PTPRG: variants seen among roughly 807,000 people sequenced by gnomAD.
The protein encoded by PTPRG is protein tyrosine phosphatase receptor type G, also known as receptor-type tyrosine-protein phosphatase gamma.
A neutral mutation model predicts 165.3 loss-of-function variants in PTPRG; 102 were observed. The ratio of observed to expected loss-of-function variants is 0.62; its 90% CI spans 0.53 to 0.73. The LOEUF (loss-of-function observed/expected upper bound fraction) is 0.73, where lower values mean the gene tolerates loss of function less well. PTPRG is among the 30% of genes least tolerant of loss of function. PTPRG has a pLI of 0.00. For missense variants in PTPRG, 1,866 were observed against 1,861.4 expected (o/e 1.00, Z -0.05); for synonymous variants, 675 against 669.5 (o/e 1.01, Z -0.13).
At chr3:62,122,786 C>T (rs4398425) in intron 5 of PTPRG, among the ~76,000 whole-genome samples, 48 of 152,070 alleles carry the variant, frequency 3.2e-4, no homozygotes, top group Non-Finnish European at 5.9e-4. Flanking sequence ...ACTCTAGAAA[C>T]GGTGACATAG....
intron 2 of PTPRG, among the ~76,000 whole-genome samples, chr3:61,850,351 G>A (rs1206663582): frequency 6.6e-6 from 1 of 152,084 alleles, no homozygotes; most frequent in African/African-American, 2.4e-5. Flanking sequence ...TTTTAGTAGA[G>A]GTGGGGTTTC....
intron 4 of PTPRG, among the ~76,000 whole-genome samples, chr3:62,030,414 A>G (rs1031935938): frequency 2.0e-5 from 3 of 150,852 alleles, no homozygotes; most frequent in Non-Finnish European, 4.4e-5. Context: ...AAATATGTAC[A>G]TAAGACTAAT....
intron 4 of PTPRG, among the ~76,000 whole-genome samples, chr3:62,012,552 T>G (rs180919192): frequency 1.0e-3 from 158 of 152,306 alleles, no homozygotes; most frequent in African/African-American, 3.6e-3. Flanking sequence ...CAGAATTCAT[T>G]TATGTTTCAT....
chr3:62,248,926 AG>A (rs1028402113), intron 15 of PTPRG, among the ~76,000 whole-genome samples: 1 of 152,028 alleles, frequency 6.6e-6, no homozygotes, highest in African/African-American at 2.4e-5. Flanking sequence ...CAGAATATAA[AG>A]GGGTTTTAAA....
Position 62,191,604 on chromosome 3 carries a change from A to T in PTPRG, c.1169A>T (p.Asn390Ile). ...NYMISYSWTKNEDEKEKTFTK... is the reference protein window; with the variant it reads ...NYMISYSWTKIEDEKEKTFTK... ...ATGATCTCCTACAGCTGGACCAAGA[A>T]TGAGGACGAGAAGGAGAAGACGTTT... is the stretch of plus-strand genomic sequence containing the variant. The change falls in exon 9 of 30, where the codon AAT becomes ATT. Residue 390 changes from asparagine to isoleucine, a missense_variant. Physicochemically the swap from Asn to Ile is moderately radical, Grantham distance 149 (BLOSUM62 -3). This residue lies in a region of PTPRG where 1,452 missense variants were observed against 1,463.0 expected (regional missense o/e 0.99). Coordinates refer to ENST00000474889, the MANE Select transcript of PTPRG (RefSeq NM_002841.4). The T allele has an allele frequency of 6.2e-7, 1 of 1,614,190 alleles. No homozygotes were observed. The highest frequency in any genetic ancestry group is 8.5e-7 in the Non-Finnish European group (1 of 1,180,038).
At position 61,670,938 on chromosome 3, in the gene PTPRG, G is replaced by A. The variant is rs187588812; in HGVS notation, c.86-77940G>A. 7.2e-5 allele frequency among the ~76,000 whole-genome samples: 11 copies of A among 152,222 alleles called. No individual in the cohort carries two copies. In the East Asian group the frequency reaches 7.7e-4, roughly 11 times the overall value. On this transcript the variant is annotated intron_variant, in intron 1 of 29. Coordinates refer to ENST00000474889, the MANE Select transcript of PTPRG (RefSeq NM_002841.4). ...GGGGAGTGTGACGTAGAGACACTGC[G>A]AAGCCGGAGCGATCAGGTTAGGTGA...
At chr3:62,067,408 A>C (rs1282252580) in intron 4 of PTPRG, among the ~76,000 whole-genome samples, 3 of 152,034 alleles carry the variant, frequency 2.0e-5, no homozygotes, top group Non-Finnish European at 4.4e-5. Flanking sequence ...TTTTGGCACG[A>C]GGGACCGGTT....
At chr3:61,832,198 C>T (rs1026388260) in intron 2 of PTPRG, among the ~76,000 whole-genome samples, 1 of 152,190 alleles carries the variant, frequency 6.6e-6, no homozygotes, top group African/African-American at 2.4e-5. Context: ...GGCACATTCT[C>T]CCCACAGCTG....
At chr3:62,132,704 G>T in intron 6 of PTPRG, 36 bp downstream of exon 6, 1 of 1,530,534 alleles carries the variant, frequency 6.5e-7, no homozygotes, top group Non-Finnish European at 9.1e-7. Context: ...TTGCTGGGAT[G>T]TGAAGGGCTC....
At chr3:62,123,168 C>T (rs9883873) in intron 5 of PTPRG, among the ~76,000 whole-genome samples, 17,009 of 152,176 alleles carry the variant, frequency 0.11, 1,002 homozygotes, top group South Asian at 0.14. Flanking sequence ...TGATCTCATC[C>T]GAAAGTTCAA....
At chr3:61,763,596 C>G (rs2033925987) in intron 2 of PTPRG, among the ~76,000 whole-genome samples, 1 of 150,624 alleles carries the variant, frequency 6.6e-6, no homozygotes, top group Non-Finnish European at 1.5e-5. Context: ...CTCTCGAACT[C>G]CTGACCTCAG....
chr3:62,136,489 A>C lies in PTPRG; in HGVS notation c.682+3821A>C, dbSNP rs150252927. ...ATGGTGAGAATGTGGAGAATGGATG[A>C]CCAGCTCAGTGGTTGGACTGAGAAG... is the stretch of plus-strand genomic sequence containing the variant. On this transcript the variant is annotated intron_variant, in intron 6 of 29. Transcript: ENST00000474889. Among the ~76,000 whole-genome samples the C allele has an allele frequency of 2.0e-3, 309 of 152,286 alleles. 1 individual carries two copies. Among genetic ancestry groups the C allele is most frequent in the African/African-American group, 7.2e-3 (299 of 41,558 alleles).
intron 10 of PTPRG, among the ~76,000 whole-genome samples, chr3:62,201,153 A>C (rs76122887): frequency 6.6e-6 from 1 of 152,344 alleles, no homozygotes; most frequent in Non-Finnish European, 1.5e-5. Context: ...AGGTGTTTAC[A>C]TATGTAAAAT....
intron 2 of PTPRG, among the ~76,000 whole-genome samples, chr3:61,912,796 G>A (rs565189346): frequency 3.6e-4 from 55 of 152,250 alleles, no homozygotes; most frequent in South Asian, 1.0e-3. Context: ...TTTTAAGAGT[G>A]GTTTGATGTG....
chr3:62,095,237 G>A (rs148636178), intron 5 of PTPRG, among the ~76,000 whole-genome samples: 166 of 152,284 alleles, frequency 1.1e-3, no homozygotes, highest in African/African-American at 3.7e-3. Flanking sequence ...CTCTTACGCC[G>A]TGATGCTATC....
At chr3:61,949,729 GTTTTT>G (rs200304116) in intron 2 of PTPRG, among the ~76,000 whole-genome samples, 5 of 143,546 alleles carry the variant, frequency 3.5e-5, no homozygotes, top group South Asian at 4.3e-4. Flanking sequence ...TGGATTCTTT[GTTTTT>G]TTTTTTTTTG....
In PTPRG at chr3:62,255,349, T is replaced by C. The variant is rs1701514487; in HGVS notation, c.2559+134T>C. On this transcript the variant is annotated intron_variant, in intron 16 of 29. Transcript: ENST00000474889. This position sits in a 1 kb window ranked among gnomAD's most constrained non-coding sequence, Gnocchi z 4.0. ...GGAAAGTGGAGTTTTTCTTTTCATC[T>C]ATTATTTTAATAGGCATTCTTTTCC... 1.5e-6 allele frequency: 1 copy of C among 662,964 alleles called. No individual in the cohort carries two copies. Among genetic ancestry groups the C allele is most frequent in the Non-Finnish European group, 2.5e-6 (1 of 402,506 alleles). 41.1% of individuals were successfully genotyped at this position (662,964 alleles called of 1,614,324 possible).
intron 5 of PTPRG, among the ~76,000 whole-genome samples, chr3:62,120,037 C>T (rs756082563): frequency 3.3e-5 from 5 of 152,054 alleles, no homozygotes; most frequent in Non-Finnish European, 7.4e-5. Context: ...CAGGCCACAC[C>T]CTCAGGTCAA....
intron 12 of PTPRG, among the ~76,000 whole-genome samples, chr3:62,207,232 A>G (rs910393989): frequency 2.6e-5 from 4 of 152,160 alleles, no homozygotes; most frequent in Non-Finnish European, 5.9e-5. Flanking sequence ...AGCTGAGAGG[A>G]TGTGATAGTA....
Sources: gnomAD v4.1 joint callset for allele counts (sites outside exome capture counted in the v4.1 genomes callset) on GRCh38, gnomAD v4.1.1 for gene constraint, gnomAD v4.1.1 regional missense constraint, Gnocchi (gnomAD v3.1) non-coding constraint, MANE v1.5 for transcripts, NCBI Gene and HGNC (gene_info 2026-07-23, HGNC 2026-07-21) for gene names.